Variants in SYT16 observed in about 807,000 individuals in gnomAD.
SYT16 encodes synaptotagmin 16, also known as synaptotagmin-16.
A neutral mutation model predicts 61.4 loss-of-function variants in SYT16; 42 were observed. The ratio of observed to expected loss-of-function variants is 0.68; its 90% confidence interval spans 0.53 to 0.89. The LOEUF is 0.89. Among genes scored for constraint, SYT16 ranks in the 40% least tolerant of loss-of-function variants. The pLI, the probability that SYT16 is intolerant of heterozygous loss-of-function variation, is 0.00. For synonymous variants in SYT16, 314 were observed against 302.3 expected (o/e 1.04, Z -0.40); for missense variants, 804 against 807.3 (o/e 1.00, Z 0.05).
chr14:61,988,326 T>C (rs1176665816), intron 2 of SYT16, among the ~76,000 whole-genome samples: 1 of 152,202 alleles, frequency 6.6e-6, no homozygotes, highest in Admixed American at 6.5e-5. Flanking sequence ...GCAGTGATAG[T>C]CTCTTTAAAA....
intron 1 of SYT16, among the ~76,000 whole-genome samples, chr14:61,878,500 C>T (rs1171509318): frequency 1.3e-5 from 2 of 152,154 alleles, no homozygotes; most frequent in South Asian, 2.1e-4. Context: ...TTCAGTTGTA[C>T]CCGGCCATGA....
At chr14:62,080,610 C>T (rs1241952143) in intron 5 of SYT16, among the ~76,000 whole-genome samples, 1 of 152,158 alleles carries the variant, frequency 6.6e-6, no homozygotes, top group Non-Finnish European at 1.5e-5. Flanking sequence ...GTTATCCATT[C>T]CAAAAACATT....
At chr14:62,026,175 A>G (rs17807583) in intron 3 of SYT16, among the ~76,000 whole-genome samples, 7,725 of 152,154 alleles carry the variant, frequency 0.051, 312 homozygotes, top group Non-Finnish European at 0.078. Flanking sequence ...CCTTTTCCTT[A>G]AGTATAGCAT....
At chr14:61,830,471 A>G (rs949277445) in intron 1 of SYT16, among the ~76,000 whole-genome samples, 7 of 152,174 alleles carry the variant, frequency 4.6e-5, no homozygotes, top group Non-Finnish European at 1.0e-4. Flanking sequence ...ATAGAGTGTT[A>G]TCCATAGGTG....
At chr14:61,861,772 T>G (rs1269452820) in intron 1 of SYT16, among the ~76,000 whole-genome samples, 1 of 152,186 alleles carries the variant, frequency 6.6e-6, no homozygotes, top group Non-Finnish European at 1.5e-5. Context: ...CCTATTGCAA[T>G]AAAGCAAGTA....
At chr14:61,925,414 A>G (rs2049496482) in intron 1 of SYT16, among the ~76,000 whole-genome samples, 1 of 102,580 alleles carries the variant, frequency 9.7e-6, no homozygotes, top group African/African-American at 2.7e-5. Flanking sequence ...TGTGTTGTGC[A>G]AAGAGTGTCC....
chr14:61,917,494 C>T (rs113725548), intron 1 of SYT16, among the ~76,000 whole-genome samples: 1 of 152,268 alleles, frequency 6.6e-6, no homozygotes, highest in African/African-American at 2.4e-5. Context: ...GAGCTATGAT[C>T]ATAGAAGCCT....
At chr14:61,854,752 A>G (rs1594763875) in intron 1 of SYT16, among the ~76,000 whole-genome samples, 1 of 152,284 alleles carries the variant, frequency 6.6e-6, no homozygotes. Context: ...TCTTGTGTAT[A>G]TATGTGTGTA....
In SYT16 at chr14:62,102,719, T is replaced by C. The variant is rs2057444969; in HGVS notation, c.*2012T>C. 1 of 152,226 alleles carries C rather than the reference T, an allele frequency of 6.6e-6. No individual in the cohort carries two copies. The highest frequency in any genetic ancestry group is 1.5e-5 in the Non-Finnish European group (1 of 68,036). 9.4% of individuals were successfully genotyped at this position (152,226 alleles called of 1,614,324 possible). A position where few individuals can be genotyped will look rare whatever the true frequency, so the allele number is the denominator to read the frequency against. On this transcript the variant is annotated 3_prime_UTR_variant, in exon 8 of 8. Coordinates refer to ENST00000683842, the MANE Select transcript of SYT16 (RefSeq NM_001367656.1). ...TAATAGCAGCATTCATTTTAAAATT[T>C]ACATTTGAAAAAAATCTGTATATAT... is the stretch of plus-strand genomic sequence containing the variant.
In SYT16 at chr14:61,911,315, C is replaced by T. The variant is rs111352483; in HGVS notation, c.-324-58817C>T. Among the ~76,000 whole-genome samples the T allele has an allele frequency of 3.0e-3, 462 of 152,272 alleles. 3 individuals are homozygous for T. The highest frequency in any genetic ancestry group is 0.011 in the African/African-American group (438 of 41,552). On this transcript the variant is annotated intron_variant, in intron 1 of 7. Coordinates refer to ENST00000683842, the MANE Select transcript of SYT16 (RefSeq NM_001367656.1). ...TTCTAAAATAGTTTACAGCCCTTAC[C>T]TTTAATGTTTGGCCCTGATTTAGGT...
intron 1 of SYT16, among the ~76,000 whole-genome samples, chr14:61,961,539 A>G (rs1458890584): frequency 1.3e-5 from 2 of 152,230 alleles, no homozygotes; most frequent in Non-Finnish European, 2.9e-5. Flanking sequence ...TAATCATTAT[A>G]TAAATGCAAA....
At chr14:62,039,710 T>C (rs539516093) in intron 3 of SYT16, among the ~76,000 whole-genome samples, 9 of 152,230 alleles carry the variant, frequency 5.9e-5, no homozygotes, top group South Asian at 4.1e-4. Flanking sequence ...AATTATGTGT[T>C]GACAGAGGCA....
intron 1 of SYT16, among the ~76,000 whole-genome samples, chr14:61,879,255 A>C (rs905158085): frequency 2.0e-5 from 3 of 152,196 alleles, no homozygotes; most frequent in African/African-American, 4.8e-5. Context: ...AAAAACAAAA[A>C]CAGAAAAGTG....
chr14:62,038,381 T>C (rs1566786118), intron 3 of SYT16, among the ~76,000 whole-genome samples: 1 of 151,132 alleles, frequency 6.6e-6, no homozygotes, highest in Non-Finnish European at 1.5e-5. Context: ...AAGATTAATC[T>C]ACTGGCCATG....
chr14:61,850,636 C>A (rs74684875), intron 1 of SYT16, among the ~76,000 whole-genome samples: 2,566 of 152,188 alleles, frequency 0.017, 49 homozygotes, highest in Middle Eastern at 0.041. Flanking sequence ...TAATGAGATT[C>A]TTTTATGTTT....
At chr14:61,841,160 T>A (rs1330227782) in intron 1 of SYT16, among the ~76,000 whole-genome samples, 1 of 152,194 alleles carries the variant, frequency 6.6e-6, no homozygotes, top group Non-Finnish European at 1.5e-5. Flanking sequence ...ACCCAAGGTC[T>A]CTTAGGGTTA....
intron 1 of SYT16, among the ~76,000 whole-genome samples, chr14:61,822,568 T>A (rs1330717488): frequency 1.3e-5 from 2 of 152,200 alleles, no homozygotes; most frequent in Non-Finnish European, 2.9e-5. Flanking sequence ...GAAATTGTTC[T>A]CTTCTTTCCA....
At chr14:61,874,096 T>C (rs1324517386) in intron 1 of SYT16, among the ~76,000 whole-genome samples, 3 of 152,230 alleles carry the variant, frequency 2.0e-5, no homozygotes, top group Non-Finnish European at 4.4e-5. Flanking sequence ...TAAGAGCTGC[T>C]GATGGCACCA....
chr14:61,981,433 TA>T (rs982660844), intron 2 of SYT16, among the ~76,000 whole-genome samples: 3 of 152,076 alleles, frequency 2.0e-5, no homozygotes, highest in Non-Finnish European at 2.9e-5. Context: ...AAATCTTCAC[TA>T]AAAAAACTTA....
Sources: allele counts gnomAD v4.1 joint callset (sites outside exome capture counted in the v4.1 genomes callset), GRCh38; gene constraint gnomAD v4.1.1; transcripts MANE v1.5; gene names NCBI Gene and HGNC (gene_info 2026-07-23, HGNC 2026-07-21).